The following GPC5 variants were observed in gnomAD, a reference collection of about 807,000 sequenced individuals.
GPC5 encodes glypican-5.
In GPC5, 47 loss-of-function variants were observed where a neutral mutation model predicts 53.9. The observed-to-expected ratio is 0.87, with a 90% CI of 0.69 to 1.11. The LOEUF (loss-of-function observed/expected upper bound fraction) is 1.11, where lower values mean the gene tolerates loss of function less well. Ranked by LOEUF, GPC5 falls within the 50% of genes most tolerant of loss-of-function variation. The pLI, the probability that GPC5 is intolerant of heterozygous loss-of-function variation, is 0.00. For missense variants in GPC5, 748 were observed against 713.1 expected (o/e 1.05, Z -0.56); for synonymous variants, 286 against 263.3 (o/e 1.09, Z -0.84).
At chr13:91,484,841 G>A (rs1409377363) in intron 2 of GPC5, among the ~76,000 whole-genome samples, 3 of 152,172 alleles carry the variant, frequency 2.0e-5, no homozygotes, top group Non-Finnish European at 4.4e-5. Context: ...AGTATTAAGT[G>A]CTTGCTTTAT....
At chr13:91,874,140 T>C (rs1228420484) in intron 5 of GPC5, among the ~76,000 whole-genome samples, 4 of 152,222 alleles carry the variant, frequency 2.6e-5, no homozygotes, top group African/African-American at 9.6e-5. Flanking sequence ...AAGTGACTCA[T>C]GTTCTGTGCC....
intron 2 of GPC5, among the ~76,000 whole-genome samples, chr13:91,662,751 C>T (rs553759374): frequency 1.1e-4 from 16 of 152,224 alleles, no homozygotes; most frequent in Non-Finnish European, 2.4e-4. Flanking sequence ...ACCATATTAC[C>T]ATCTCACTAC....
chr13:92,749,815 C>T (rs1228156649), intron 7 of GPC5, among the ~76,000 whole-genome samples: 1 of 152,160 alleles, frequency 6.6e-6, no homozygotes, highest in Non-Finnish European at 1.5e-5. Context: ...AAAGAAAAGA[C>T]TTATTCAGAG....
intron 7 of GPC5, among the ~76,000 whole-genome samples, chr13:92,517,468 G>T (rs1453403095): frequency 3.9e-5 from 6 of 152,136 alleles, no homozygotes; most frequent in Non-Finnish European, 8.8e-5. Context: ...CACACGGCTG[G>T]GTACCCCTGG....
intron 6 of GPC5, among the ~76,000 whole-genome samples, chr13:92,090,065 C>A (rs1276260358): frequency 6.6e-6 from 1 of 152,126 alleles, no homozygotes. Context: ...GAAGTACCTG[C>A]TTTTATATGA....
intron 7 of GPC5, among the ~76,000 whole-genome samples, chr13:92,391,958 G>A (rs1875022841): frequency 6.6e-6 from 1 of 152,078 alleles, no homozygotes. Flanking sequence ...CGGCTTTAAT[G>A]ACTTCATACA....
At chr13:92,329,578 A>T (rs1284488605) in intron 7 of GPC5, among the ~76,000 whole-genome samples, 1 of 152,110 alleles carries the variant, frequency 6.6e-6, no homozygotes, top group South Asian at 2.1e-4. Context: ...CATATCAAGG[A>T]CTACTTTGGT....
At chr13:92,672,986 C>T (rs192529704) in intron 7 of GPC5, among the ~76,000 whole-genome samples, 3 of 152,194 alleles carry the variant, frequency 2.0e-5, no homozygotes, top group African/African-American at 2.4e-5. Context: ...ACCCCCATGA[C>T]ACAAGTTTAC....
intron 5 of GPC5, among the ~76,000 whole-genome samples, chr13:91,799,768 A>T (rs761757711): frequency 9.2e-5 from 14 of 152,304 alleles, no homozygotes; most frequent in Non-Finnish European, 2.1e-4. Context: ...TGCTTGCAAT[A>T]GATTCTAGCT....
At chr13:92,706,608 C>CTGCTCCTGTATA (rs1199462901) in intron 7 of GPC5, among the ~76,000 whole-genome samples, 1 of 152,074 alleles carries the variant, frequency 6.6e-6, no homozygotes, top group Non-Finnish European at 1.5e-5. Flanking sequence ...CTTACTCTGC[C>CTGCTCCTGTATA]TGCTCCTGTA....
chr13:92,700,933 T>G (rs962684396), intron 7 of GPC5, among the ~76,000 whole-genome samples: 3 of 152,136 alleles, frequency 2.0e-5, no homozygotes, highest in Non-Finnish European at 2.9e-5. Context: ...GTATCTTTCT[T>G]AGGGTTTCTT....
intron 7 of GPC5, among the ~76,000 whole-genome samples, chr13:92,806,288 T>C (rs1877097422): frequency 6.6e-6 from 1 of 152,076 alleles, no homozygotes; most frequent in African/African-American, 2.4e-5. Flanking sequence ...CCTCATAGAA[T>C]TTAAAAGCAT....
intron 7 of GPC5, among the ~76,000 whole-genome samples, chr13:92,613,259 A>G (rs1884501593): frequency 7.9e-6 from 1 of 126,954 alleles, no homozygotes; most frequent in African/African-American, 3.0e-5. Context: ...TTTATATATA[A>G]TATATATATA....
intron 2 of GPC5, among the ~76,000 whole-genome samples, chr13:91,549,934 A>G (rs539506071): frequency 1.3e-5 from 2 of 152,294 alleles, no homozygotes; most frequent in Admixed American, 6.5e-5. Context: ...AAACTTATGT[A>G]TGTACAAAAA....
chr13:92,087,528 C>T (rs1251136647), intron 6 of GPC5, among the ~76,000 whole-genome samples: 4 of 152,166 alleles, frequency 2.6e-5, no homozygotes, highest in African/African-American at 4.8e-5. Flanking sequence ...CTTTTGTTTT[C>T]AGGAAATGAC....
At chr13:91,476,462 A>T (rs908426125) in intron 2 of GPC5, among the ~76,000 whole-genome samples, 2 of 152,354 alleles carry the variant, frequency 1.3e-5, no homozygotes, top group Middle Eastern at 3.4e-3. Flanking sequence ...AGACCAAAAA[A>T]AGAAAAATCC....
intron 6 of GPC5, among the ~76,000 whole-genome samples, chr13:91,973,087 G>A (rs181674262): frequency 6.6e-5 from 10 of 152,186 alleles, no homozygotes; most frequent in Admixed American, 2.0e-4. Context: ...CATTCTCCCC[G>A]TCACTTTCAG....
intron 6 of GPC5, among the ~76,000 whole-genome samples, chr13:92,052,486 GT>G (rs1205624882): frequency 6.6e-6 from 1 of 152,136 alleles, no homozygotes; most frequent in African/African-American, 2.4e-5. Context: ...TTCCTTATTT[GT>G]CCCCGCCCAT....
chr13:91,751,549 GA>G (rs2037176978), intron 4 of GPC5, among the ~76,000 whole-genome samples: 1 of 152,218 alleles, frequency 6.6e-6, no homozygotes, highest in South Asian at 2.1e-4. Flanking sequence ...GAGGGAAACA[GA>G]AGCTGGCAAA....
Sources: gnomAD v4.1 joint callset for allele counts (sites outside exome capture counted in the v4.1 genomes callset) on GRCh38, gnomAD v4.1.1 for gene constraint, MANE v1.5 for transcripts, NCBI Gene and HGNC (gene_info 2026-07-23, HGNC 2026-07-21) for gene names.